TENT4A: variants seen among roughly 807,000 people sequenced by gnomAD.
The protein encoded by TENT4A is terminal nucleotidyltransferase 4A, also known as DNA polymerase kappa.
Under a neutral mutation model 72.8 loss-of-function variants are expected in TENT4A, and 7 were observed. That is an observed-to-expected ratio of 0.10 (90% CI 0.05 to 0.18). The LOEUF is 0.18. Among genes scored for constraint, TENT4A ranks in the 10% least tolerant of loss-of-function variants. TENT4A has a pLI of 1.00. For synonymous variants in TENT4A, 456 were observed against 434.3 expected (o/e 1.05, Z -0.62); for missense variants, 831 against 1,017.7 (o/e 0.82, Z 2.50).
intron 1 of TENT4A, among the ~76,000 whole-genome samples, chr5:6,734,845 C>T (rs1182478136): frequency 6.6e-6 from 1 of 152,192 alleles, no homozygotes; most frequent in Non-Finnish European, 1.5e-5. Context: ...CCTCTTCTCC[C>T]TGTGCAAGGG....
intron 5 of TENT4A, among the ~76,000 whole-genome samples, chr5:6,743,271 C>T (rs983352890): frequency 2.0e-5 from 3 of 152,168 alleles, no homozygotes; most frequent in Non-Finnish European, 2.9e-5. Context: ...CCACCCCAAG[C>T]GCAACACGAA....
At chr5:6,738,901 T>C (rs368515422) in intron 3 of TENT4A, among the ~76,000 whole-genome samples, 172 bp downstream of exon 3, 21 of 152,376 alleles carry the variant, frequency 1.4e-4, no homozygotes, top group East Asian at 9.6e-4. Context: ...TTTAGTGTTA[T>C]GATGAATTCA....
chr5:6,724,677 G>A (rs1232850462), intron 1 of TENT4A, among the ~76,000 whole-genome samples: 1 of 152,198 alleles, frequency 6.6e-6, no homozygotes, highest in Non-Finnish European at 1.5e-5. Context: ...TTTTAGGATT[G>A]GTTTTAGAAT....
At chr5:6,750,188 T>C in intron 9 of TENT4A, 143 bp from the exon 10 acceptor site, 1 of 505,456 alleles carries the variant, frequency 2.0e-6, no homozygotes, top group Non-Finnish European at 3.3e-6. Flanking sequence ...ATTTTTAAAA[T>C]TAAATTAGGC....
At chr5:6,749,432 C>T (rs1303716802) in intron 8 of TENT4A, 125 bp from the exon 9 acceptor site, 1 of 644,046 alleles carries the variant, frequency 1.6e-6, no homozygotes, top group East Asian at 2.6e-5. Flanking sequence ...TATTTTAGCT[C>T]CTTTCCTACT....
intron 1 of TENT4A, among the ~76,000 whole-genome samples, chr5:6,719,474 T>G (rs1428235018): frequency 6.6e-6 from 1 of 152,226 alleles, no homozygotes; most frequent in Non-Finnish European, 1.5e-5. Flanking sequence ...CCACCCAGAC[T>G]TGCAGAAGAT....
chr5:6,725,730 C>G (rs1005561214), intron 1 of TENT4A, among the ~76,000 whole-genome samples: 1 of 152,162 alleles, frequency 6.6e-6, no homozygotes, highest in Non-Finnish European at 1.5e-5. Flanking sequence ...TCCCACCACC[C>G]AGAAGCACAA....
At chr5:6,742,710 C>G in intron 5 of TENT4A, 113 bp downstream of exon 5, 2 of 662,830 alleles carry the variant, frequency 3.0e-6, no homozygotes, top group South Asian at 1.7e-5. Context: ...TTTCGTAACA[C>G]AGACTACACT....
chr5:6,714,533 C>T lies in TENT4A; in HGVS notation c.550C>T (p.His184Tyr). The change falls in exon 1 of 13, where the codon CAC becomes TAC. Residue 184 changes from histidine to tyrosine, a missense_variant. His to Tyr is a moderately conservative substitution (Grantham distance 83). Around this residue, in one of 3 missense-constraint regions of TENT4A, gnomAD observed 302 missense variants for 293.8 expected, o/e 1.03. Transcript: ENST00000230859. ...PAGSPSQHQF[H>Y]PGRRKRENKA... The stretch of plus-strand genomic sequence containing the variant: ...CGGCTCCCCGTCGCAGCACCAGTTC[C>T]ACCCGGGTCGCCGGAAACGCGAGAA... The T allele has an allele frequency of 2.5e-6, 3 of 1,194,828 alleles. No homozygotes were observed. Among genetic ancestry groups the T allele is most frequent in the Non-Finnish European group, 3.1e-6 (3 of 964,052 alleles). 74.0% of individuals were successfully genotyped at this position (1,194,828 alleles called of 1,614,324 possible).
intron 4 of TENT4A, among the ~76,000 whole-genome samples, chr5:6,741,848 A>T (rs918769241): frequency 6.6e-6 from 1 of 152,196 alleles, no homozygotes; most frequent in African/African-American, 2.4e-5. Flanking sequence ...GAAACAAAAC[A>T]TTGCCTTTTC....
At chr5:6,742,018 A>G (rs1011413560) in intron 4 of TENT4A, among the ~76,000 whole-genome samples, 1 of 152,146 alleles carries the variant, frequency 6.6e-6, no homozygotes, top group African/African-American at 2.4e-5. Context: ...TAGGGGAAAA[A>G]TTTTTTTAGT....
rs749156218 is a variant in TENT4A at position 6,748,557 on chromosome 5, T to C, written c.1553T>C (p.Leu518Pro). The stretch of plus-strand genomic sequence containing the variant: ...GTGCTCAGCCATGCTGTGTCACCGC[T>C]GGCCAGGTCCTATCCAAACAGAGAC... Reference protein sequence around the residue: ...YIVLSHAVSPLARSYPNRDAE... With the variant: ...YIVLSHAVSPPARSYPNRDAE... The change falls in exon 8 of 13, where the codon CTG (leucine) becomes CCG (proline). Residue 518 changes from leucine to proline, a missense_variant. This residue lies in a region of TENT4A where 197 missense variants were observed against 399.6 expected (regional missense o/e 0.49). Transcript: ENST00000230859. The C allele has an allele frequency of 6.2e-7, 1 of 1,614,006 alleles. No individual in the cohort carries two copies. The highest frequency in any genetic ancestry group is 1.1e-5 in the South Asian group (1 of 91,078).
At chr5:6,744,241 A>C (rs1741964507) in intron 6 of TENT4A, among the ~76,000 whole-genome samples, 1 of 152,242 alleles carries the variant, frequency 6.6e-6, no homozygotes, top group Admixed American at 6.5e-5. Context: ...TTTACAAGAG[A>C]GCTTTCTCAG....
intron 1 of TENT4A, among the ~76,000 whole-genome samples, chr5:6,728,046 G>A (rs560616262): frequency 3.9e-5 from 6 of 152,252 alleles, no homozygotes; most frequent in African/African-American, 1.2e-4. Flanking sequence ...GTCCTTTCTC[G>A]AATAGTTGTT....
chr5:6,744,162 C>T (rs943530231), intron 6 of TENT4A, among the ~76,000 whole-genome samples: 1 of 152,094 alleles, frequency 6.6e-6, no homozygotes, highest in Non-Finnish European at 1.5e-5. Context: ...TTTCTTGGTG[C>T]TTGTCTGTGA....
chr5:6,722,877 G>A (rs1740729633), intron 1 of TENT4A, among the ~76,000 whole-genome samples: 2 of 152,180 alleles, frequency 1.3e-5, no homozygotes, highest in Non-Finnish European at 2.9e-5. Flanking sequence ...TGTGGAGATG[G>A]AATAATTCTA....
At chr5:6,729,181 A>T (rs970960007) in intron 1 of TENT4A, among the ~76,000 whole-genome samples, 4 of 152,202 alleles carry the variant, frequency 2.6e-5, no homozygotes, top group African/African-American at 7.2e-5. Flanking sequence ...CAAGATGAAG[A>T]CTTCAGTCCT....
chr5:6,714,786 C>G lies in TENT4A; in HGVS notation c.716+87C>G, dbSNP rs571249917. 2.6e-3 allele frequency: 1,354 copies of G among 513,164 alleles called. 11 individuals carry two copies. Among genetic ancestry groups the G allele is most frequent in the Middle Eastern group, 6.2e-3 (9 of 1,444 alleles). 31.8% of individuals were successfully genotyped at this position (513,164 alleles called of 1,614,324 possible). A position where few individuals can be genotyped will look rare whatever the true frequency, so the allele number is the denominator to read the frequency against. On this transcript the variant is annotated intron_variant, in intron 1 of 12. Transcript: ENST00000230859. ...GGTGCAGACACCCGTCCCAGGCGCCCGGGCTTTTGGAGGATGGATGTTGAA... is the reference window on the plus strand; with the variant it reads ...GGTGCAGACACCCGTCCCAGGCGCCGGGGCTTTTGGAGGATGGATGTTGAA...
Position 6,714,201 on chromosome 5 carries a change from C to A in TENT4A, c.218C>A (p.Pro73His). 1 of 971,208 alleles carries A rather than the reference C, an allele frequency of 1.0e-6. No individual in the cohort carries two copies. The highest frequency in any genetic ancestry group is 1.2e-6 in the Non-Finnish European group (1 of 821,222). The allele number at this position is 971,208 out of a possible 1,614,324, so 60.2% of individuals were successfully genotyped here. Residue 73 changes from proline (P) to histidine (H), a missense_variant, in exon 1 of 13, where the codon CCC (proline) becomes CAC (histidine). Coordinates refer to ENST00000230859, the MANE Select transcript of TENT4A (RefSeq NM_006999.6). The part of the protein sequence containing the change: ...GLGPALPAAS[P>H]PPPGPTAPAA... ...GGCCCCGCGCTGCCCGCCGCGTCGC[C>A]CCCGCCGCCCGGCCCCACCGCGCCC...
Sources: gnomAD v4.1 joint callset for allele counts (sites outside exome capture counted in the v4.1 genomes callset) on GRCh38, gnomAD v4.1.1 for gene constraint, gnomAD v4.1.1 regional missense constraint, MANE v1.5 for transcripts, NCBI Gene and HGNC (gene_info 2026-07-23, HGNC 2026-07-21) for gene names.